VARS2: variants seen among roughly 807,000 people sequenced by gnomAD.
The protein encoded by VARS2 is valyl-tRNA synthetase 2, mitochondrial.
Under a neutral mutation model 154.1 loss-of-function variants are expected in VARS2, and 105 were observed. The observed-to-expected ratio is 0.68, with a 90% confidence interval of 0.58 to 0.80. The LOEUF (loss-of-function observed/expected upper bound fraction) is 0.80, where lower values mean the gene tolerates loss of function less well. Ranked by LOEUF, VARS2 falls within the 30% of genes least tolerant of loss-of-function variation. The probability of loss-of-function intolerance (pLI) is 0.00; values close to 1 mark genes in which losing one functional copy is unlikely to be tolerated. For missense variants in VARS2, 1,157 were observed against 1,361.4 expected (o/e 0.85, Z 2.36); for synonymous variants, 483 against 539.5 (o/e 0.90, Z 1.45).
chr6:30,926,052 A>G, intron 29 of VARS2, 44 bp downstream of exon 29: 3 of 1,612,942 alleles, frequency 1.9e-6, no homozygotes, highest in South Asian at 1.1e-5. Flanking sequence ...CCCTGAGGGA[A>G]TGTGGGCCAG....
chr6:30,916,320 T>G lies in VARS2; in HGVS notation c.671+71T>G. 1 of 1,289,646 alleles carries G rather than the reference T, an allele frequency of 7.8e-7. No individual in the cohort carries two copies. Among genetic ancestry groups the G allele is most frequent in the Non-Finnish European group, 1.1e-6 (1 of 933,152 alleles). The allele number at this position is 1,289,646 out of a possible 1,614,324, so 79.9% of individuals were successfully genotyped here. On this transcript the variant is annotated intron_variant, in intron 7 of 29. Coordinates refer to ENST00000676266, the MANE Select transcript of VARS2 (RefSeq NM_020442.6). The surrounding 1 kb of genome is among the most constrained non-coding windows in gnomAD (Gnocchi z 4.0). Reference sequence around the variant, plus strand: ...GTTTCTTGCCTCCCACCACTATCACTCCTGACTTGTAATCCTTGGCTCTTC... The same window carrying G: ...GTTTCTTGCCTCCCACCACTATCACGCCTGACTTGTAATCCTTGGCTCTTC...
At chr6:30,924,742 G>A (rs1313570207) in intron 26 of VARS2, among the ~76,000 whole-genome samples, 182 bp downstream of exon 26, 2 of 152,180 alleles carry the variant, frequency 1.3e-5, no homozygotes, top group Non-Finnish European at 2.9e-5. Context: ...GACAGTATTA[G>A]CGTAGTGCTC....
rs181464833 is a variant in VARS2, at chr6:30,921,438, G to A, written c.1632+133G>A. The A allele has an allele frequency of 2.3e-5, 32 of 1,413,942 alleles. No homozygotes were observed. The Middle Eastern group carries it at 5.4e-4, about 24-fold the overall frequency. 87.6% of individuals were successfully genotyped at this position (1,413,942 alleles called of 1,614,324 possible). A position where few individuals can be genotyped will look rare whatever the true frequency, so the allele number is the denominator to read the frequency against. On this transcript the variant is annotated intron_variant, in intron 17 of 29. Transcript: ENST00000676266. This position sits in a 1 kb window ranked among gnomAD's most constrained non-coding sequence, Gnocchi z 4.6. ...TGCTCATAGTCATGTAACCTTCTGC[G>A]CGATCAAGGCTCCCTGAAGTGGCAT...
Position 30,926,148 on chromosome 6 carries a change from G to A in VARS2, c.3130G>A (p.Ala1044Thr). The A allele has an allele frequency of 6.2e-7, 1 of 1,613,102 alleles. No individual in the cohort carries two copies. Among genetic ancestry groups the A allele is most frequent in the Non-Finnish European group, 8.5e-7 (1 of 1,180,032 alleles). Reference protein sequence around the residue: ...LQLELSKLDKAASHLRQLMDE... With the variant: ...LQLELSKLDKTASHLRQLMDE... ...GCTGGAATTGTCAAAACTGGACAAG[G>A]CAGCCTCTCACCTCCGGCAGCTGAT... is the stretch of plus-strand genomic sequence containing the variant. Residue 1044 changes from alanine to threonine, a missense_variant, in exon 30 of 30, where the codon GCA becomes ACA. By Grantham distance (58) the Ala-to-Thr change is moderately conservative. Transcript: ENST00000676266.
At position 30,917,372 on chromosome 6, in the gene VARS2, C is replaced by A; in HGVS notation, c.873+148C>A. 1 of 1,197,152 alleles carries A rather than the reference C, an allele frequency of 8.4e-7. No homozygotes were observed. The highest frequency in any genetic ancestry group is 1.4e-5 in the South Asian group (1 of 71,902). The allele number at this position is 1,197,152 out of a possible 1,614,324, so 74.2% of individuals were successfully genotyped here. ...TGTGGCTTTTGGCAGGCCGTTTAGT[C>A]TCTTTAAGCCTCAGCTTCCTCAGTC... On this transcript the variant is annotated intron_variant, in intron 9 of 29. Transcript: ENST00000676266. The surrounding 1 kb of genome is among the most constrained non-coding windows in gnomAD (Gnocchi z 4.4).
intron 25 of VARS2, chr6:30,923,959 T>C (rs1156776089): frequency 1.7e-5 from 6 of 362,846 alleles, no homozygotes; most frequent in Non-Finnish European, 3.0e-5. Flanking sequence ...GAGTGGCTCC[T>C]TTAGCAGGTT....
chr6:30,915,540 C>T, intron 4 of VARS2, 85 bp downstream of exon 4: 1 of 1,472,714 alleles, frequency 6.8e-7, no homozygotes, highest in Non-Finnish European at 9.3e-7. Context: ...GTTGAGCTCA[C>T]ATTGTAGACC....
chr6:30,922,894 G>T lies in VARS2; in HGVS notation c.2107-4G>T. The T allele has an allele frequency of 3.8e-6, 6 of 1,599,504 alleles. No individual in the cohort carries two copies. The highest frequency in any genetic ancestry group is 5.1e-6 in the Non-Finnish European group (6 of 1,172,058). On this transcript the variant is annotated splice_polypyrimidine_tract_variant and splice_region_variant and intron_variant, in intron 22 of 29. Coordinates refer to ENST00000676266, the MANE Select transcript of VARS2 (RefSeq NM_020442.6). ...TGCCACCCTTCTTCTTCCTCTGGTT[G>T]CAGAAAAAGGACTTTCCTCACGGGA...
At chr6:30,924,253 C>G in intron 25 of VARS2, 101 bp from the exon 26 acceptor site, 1 of 1,232,552 alleles carries the variant, frequency 8.1e-7, no homozygotes, top group Non-Finnish European at 1.2e-6. Context: ...CTGTCCCTCT[C>G]TCCCAGGACC....
rs779599762 is a variant in VARS2 at position 30,921,342 on chromosome 6, C to T, written c.1632+37C>T. 5.0e-6 allele frequency: 8 copies of T among 1,612,234 alleles called. No homozygotes were observed. The highest frequency in any genetic ancestry group is 2.2e-5 in the East Asian group (1 of 44,870). ...GAAGCACCCGGAGGGCCGAGTGTGG[C>T]ACAGAGCACCTAGCCCAGGAGTCAG... is the stretch of plus-strand genomic sequence containing the variant. On this transcript the variant is annotated intron_variant, in intron 17 of 29. Transcript: ENST00000676266. The surrounding 1 kb of genome is among the most constrained non-coding windows in gnomAD (Gnocchi z 4.6).
chr6:30,922,752 T>C lies in VARS2; in HGVS notation c.2084T>C (p.Leu695Pro), dbSNP rs1794605792. The change falls in exon 22 of 30, where the codon CTG (leucine) becomes CCG (proline). Residue 695 changes from leucine to proline, a missense_variant. Coordinates refer to ENST00000676266, the MANE Select transcript of VARS2 (RefSeq NM_020442.6). The part of the protein sequence containing the change: ...LRSGNLDPAE[L>P]AIVAAAQKKD... ...AGCGGAAATTTGGACCCTGCAGAGC[T>C]GGCCATTGTGGCTGCAGCACAGGTG... 6.2e-7 allele frequency: 1 copy of C among 1,611,946 alleles called. No individual in the cohort carries two copies. Among genetic ancestry groups the C allele is most frequent in the Admixed American group, 1.7e-5 (1 of 59,914 alleles).
In VARS2 at chr6:30,923,338, C is replaced by T. The variant is rs1794650538; in HGVS notation, c.2314-15C>T. ...GGGAGGGGGAGTCAGGCCATCCTGC[C>T]CCCTCTGCCTGCAGCTGTCTCCCTC... On this transcript the variant is annotated splice_polypyrimidine_tract_variant and intron_variant, in intron 24 of 29. Coordinates refer to ENST00000676266, the MANE Select transcript of VARS2 (RefSeq NM_020442.6). 1 of 1,607,768 alleles carries T rather than the reference C, an allele frequency of 6.2e-7. No individual in the cohort carries two copies. Among genetic ancestry groups the T allele is most frequent in the South Asian group, 1.1e-5 (1 of 90,888 alleles).
Position 30,925,926 on chromosome 6 carries a change from G to A in VARS2, c.3008G>A (p.Arg1003Lys). ...CAGCTACCTCTGTTAGCCGCCCGAA[G>A]GTACAAGTTGCAGAAGCAGCTTGAC... Reference protein sequence around the residue: ...QIQLPLLAARRYKLQKQLDSL... With the variant: ...QIQLPLLAARKYKLQKQLDSL... The change falls in exon 29 of 30, where the codon AGG (arginine) becomes AAG (lysine). Residue 1003 changes from arginine to lysine, a missense_variant. Coordinates refer to ENST00000676266, the MANE Select transcript of VARS2 (RefSeq NM_020442.6). The A allele has an allele frequency of 4.3e-6, 7 of 1,613,064 alleles. No individual in the cohort carries two copies. The highest frequency in any genetic ancestry group is 5.1e-6 in the Non-Finnish European group (6 of 1,180,020).
In VARS2 at chr6:30,921,906, T is replaced by G; in HGVS notation, c.1736-19T>G. ...GAAGCCAAGGTTCCAACTGTCCCCA[T>G]TCTTTTTCTGTTTCCCAGATCCTGA... On this transcript the variant is annotated intron_variant, in intron 18 of 29. Transcript: ENST00000676266. This position sits in a 1 kb window ranked among gnomAD's most constrained non-coding sequence, Gnocchi z 4.6. 6.2e-7 allele frequency: 1 copy of G among 1,612,934 alleles called. No homozygotes were observed. Among genetic ancestry groups the G allele is most frequent in the Non-Finnish European group, 8.5e-7 (1 of 1,179,942 alleles).
At chr6:30,918,082 GT>G (rs9278801) in intron 10 of VARS2, among the ~76,000 whole-genome samples, 1 of 145,062 alleles carries the variant, frequency 6.9e-6, no homozygotes, top group Non-Finnish European at 1.6e-5. Flanking sequence ...TTGTTTGTTT[GT>G]TTTGAGACAG....
In VARS2 at chr6:30,920,996, C is replaced by T. The variant is rs555778716; in HGVS notation, c.1480-69C>T. 1 of 1,484,712 alleles carries T rather than the reference C, an allele frequency of 6.7e-7. No individual in the cohort carries two copies. Among genetic ancestry groups the T allele is most frequent in the South Asian group, 1.3e-5 (1 of 75,670 alleles). The allele number at this position is 1,484,712 out of a possible 1,614,324, so 92.0% of individuals were successfully genotyped here. ...AGTTTTAAAATGACCTCAGAGGCCA[C>T]TCGTCCTATCTGTGGAGGTGCGGCC... On this transcript the variant is annotated intron_variant, in intron 15 of 29. Transcript: ENST00000676266. This position sits in a 1 kb window ranked among gnomAD's most constrained non-coding sequence, Gnocchi z 4.6.
rs1794400774 is a variant in VARS2 at position 30,919,940 on chromosome 6, C to T, written c.1165+92C>T. The T allele has an allele frequency of 6.8e-7, 1 of 1,471,086 alleles. No individual in the cohort carries two copies. The highest frequency in any genetic ancestry group is 9.1e-7 in the Non-Finnish European group (1 of 1,097,612). The allele number at this position is 1,471,086 out of a possible 1,614,324, so 91.1% of individuals were successfully genotyped here. A position where few individuals can be genotyped will look rare whatever the true frequency, so the allele number is the denominator to read the frequency against. On this transcript the variant is annotated intron_variant, in intron 12 of 29. Coordinates refer to ENST00000676266, the MANE Select transcript of VARS2 (RefSeq NM_020442.6). The surrounding 1 kb of genome is among the most constrained non-coding windows in gnomAD (Gnocchi z 4.5). ...GAAGAGGAAGGTGGGAGTGGGAGAT[C>T]CTCATATAGGGTGGTCTGAGTGGGG...
chr6:30,916,984 T>A lies in VARS2; in HGVS notation c.753+25T>A, dbSNP rs746473660. 6.2e-7 allele frequency: 1 copy of A among 1,614,028 alleles called. No homozygotes were observed. Among genetic ancestry groups the A allele is most frequent in the Admixed American group, 1.7e-5 (1 of 60,022 alleles). On this transcript the variant is annotated intron_variant, in intron 8 of 29. Coordinates refer to ENST00000676266, the MANE Select transcript of VARS2 (RefSeq NM_020442.6). The surrounding 1 kb of genome is among the most constrained non-coding windows in gnomAD (Gnocchi z 4.0). ...TGTGAGTGTTCTGTGCCTTGGTCCC[T>A]GTGAGTGATGGGCGATGTTTAGGGA...
At position 30,926,248 on chromosome 6, in the gene VARS2, G is replaced by C; in HGVS notation, c.*38G>C. On this transcript the variant is annotated 3_prime_UTR_variant, in exon 30 of 30. Coordinates refer to ENST00000676266, the MANE Select transcript of VARS2 (RefSeq NM_020442.6). Reference sequence around the variant, plus strand: ...ATCAGTTTTCCTCCCTCTCAGACCTGTCTTTGAGGACAAACAGATTTGTCA... The same window carrying C: ...ATCAGTTTTCCTCCCTCTCAGACCTCTCTTTGAGGACAAACAGATTTGTCA... 6.2e-7 allele frequency: 1 copy of C among 1,600,502 alleles called. No individual in the cohort carries two copies. The highest frequency in any genetic ancestry group is 8.5e-7 in the Non-Finnish European group (1 of 1,169,642).
Sources: gnomAD v4.1 joint callset for allele counts (sites outside exome capture counted in the v4.1 genomes callset) on GRCh38, gnomAD v4.1.1 for gene constraint, Gnocchi (gnomAD v3.1) non-coding constraint, MANE v1.5 for transcripts, NCBI Gene and HGNC (gene_info 2026-07-23, HGNC 2026-07-21) for gene names.